Variants in NOTCH1 observed in about 807,000 individuals in gnomAD.
NOTCH1 encodes neurogenic locus notch homolog protein 1.
A neutral mutation model predicts 254.8 loss-of-function variants in NOTCH1; 37 were observed. The observed-to-expected ratio is 0.15, with a 90% CI of 0.11 to 0.19. The LOEUF (loss-of-function observed/expected upper bound fraction) is 0.19, where lower values mean the gene tolerates loss of function less well. Ranked by LOEUF, NOTCH1 falls within the 10% of genes least tolerant of loss-of-function variation. The pLI is 1.00. For synonymous variants in NOTCH1, 1,731 were observed against 1,618.1 expected (o/e 1.07, Z -1.68); for missense variants, 2,972 against 3,708.6 (o/e 0.80, Z 5.16).
chr9:136,519,410 G>C, intron 5 of NOTCH1, 33 bp downstream of exon 5: 1 of 1,611,614 alleles, frequency 6.2e-7, no homozygotes. Context: ...CCCCGCCCCG[G>C]CTACCCCGCC....
intron 2 of NOTCH1, among the ~76,000 whole-genome samples, chr9:136,536,367 T>C (rs1271527782): frequency 1.3e-5 from 2 of 152,154 alleles, no homozygotes; most frequent in Non-Finnish European, 2.9e-5. Flanking sequence ...AGCTCTCTCC[T>C]GTCACACGGG....
intron 2 of NOTCH1, among the ~76,000 whole-genome samples, chr9:136,525,976 C>T (rs188989186): frequency 6.6e-6 from 1 of 152,398 alleles, no homozygotes; most frequent in East Asian, 1.9e-4. Context: ...ACACATGTCA[C>T]CCCTTCCAAA....
intron 4 of NOTCH1, chr9:136,522,609 G>C: frequency 3.8e-6 from 2 of 520,424 alleles, no homozygotes; most frequent in Non-Finnish European, 6.7e-6. Flanking sequence ...TGTGAGTTCC[G>C]GGAAACTCCA....
intron 30 of NOTCH1, 41 bp downstream of exon 30, chr9:136,501,707 G>A (rs2133328323): frequency 6.2e-7 from 1 of 1,604,894 alleles, no homozygotes; most frequent in Non-Finnish European, 8.5e-7. Flanking sequence ...GAGGCAGGTG[G>A]GCCACGGGGC....
chr9:136,528,044 G>A (rs1302008012), intron 2 of NOTCH1, among the ~76,000 whole-genome samples: 4 of 152,086 alleles, frequency 2.6e-5, no homozygotes, highest in Non-Finnish European at 5.9e-5. Context: ...AAATTGTGCT[G>A]TTTTCCTTTC....
chr9:136,512,473 G>A (rs1395973140), intron 15 of NOTCH1, among the ~76,000 whole-genome samples: 5 of 152,192 alleles, frequency 3.3e-5, no homozygotes, highest in Admixed American at 1.3e-4. Flanking sequence ...TTCATAGCAG[G>A]GGCTGGACAG....
rs1564191989 is a variant in NOTCH1, at chr9:136,506,858, G to A, written c.3759C>T (p.Cys1253=). The change falls in exon 23 of 34, where the codon TGC becomes TGT. Residue 1253 remains cysteine, a synonymous_variant. Coordinates refer to ENST00000651671, the MANE Select transcript of NOTCH1 (RefSeq NM_017617.5). The surrounding 1 kb of genome is among the most constrained non-coding windows in gnomAD (Gnocchi z 4.5). The stretch of plus-strand genomic sequence containing the variant: ...CACCCACGAAGCCCGGCGGGCAGGT[G>A]CAGCTGTAGCCGCCCACCTGGTCCA... ...TCVDQVGGYS[C]TCPPGFVGER... 6.2e-7 allele frequency: 1 copy of A among 1,611,894 alleles called. No individual in the cohort carries two copies. Among genetic ancestry groups the A allele is most frequent in the South Asian group, 1.1e-5 (1 of 90,920 alleles).
chr9:136,505,124 C>T lies in NOTCH1; in HGVS notation c.4587-20G>A. 1 of 1,602,748 alleles carries T rather than the reference C, an allele frequency of 6.2e-7. No individual in the cohort carries two copies. ...AGGGGGCTGTGGGGGGCGGGACACG[C>T]TCAGGCCGCCTTCCTCGGGGGGCCT... On this transcript the variant is annotated intron_variant, in intron 25 of 33. Coordinates refer to ENST00000651671, the MANE Select transcript of NOTCH1 (RefSeq NM_017617.5).
At chr9:136,544,457 C>A (rs73567936) in intron 1 of NOTCH1, among the ~76,000 whole-genome samples, 1 of 152,138 alleles carries the variant, frequency 6.6e-6, no homozygotes, top group African/African-American at 2.4e-5. Context: ...CGTTGCCCCC[C>A]ACCCTGGAGG....
intron 2 of NOTCH1, among the ~76,000 whole-genome samples, chr9:136,537,743 C>T (rs1843676815): frequency 6.6e-6 from 1 of 152,130 alleles, no homozygotes; most frequent in Non-Finnish European, 1.5e-5. Context: ...CTGCAGTCAG[C>T]CGTGATCCCA....
intron 18 of NOTCH1, 100 bp downstream of exon 18, chr9:136,509,633 C>A (rs891836956): frequency 9.3e-7 from 1 of 1,073,998 alleles, no homozygotes; most frequent in Non-Finnish European, 1.4e-6. Flanking sequence ...AGTGCCCAGC[C>A]GGCCTAGGCG....
intron 13 of NOTCH1, among the ~76,000 whole-genome samples, 155 bp downstream of exon 13, chr9:136,514,355 G>T (rs73668315): frequency 6.6e-6 from 1 of 152,322 alleles, no homozygotes; most frequent in African/African-American, 2.4e-5. Flanking sequence ...AGGACCCAGA[G>T]GCATGTGCGT....
intron 15 of NOTCH1, among the ~76,000 whole-genome samples, chr9:136,512,373 CGCTCCTGGGGAGCGCCAG>C (rs1813629753): frequency 6.6e-6 from 1 of 152,206 alleles, no homozygotes; most frequent in Non-Finnish European, 1.5e-5. Context: ...ACCCTCTGCC[CGCTCCTGGGGAGCGCCAG>C]GACCCCGGTG....
intron 19 of NOTCH1, 74 bp downstream of exon 19, chr9:136,508,796 C>G: frequency 2.8e-6 from 4 of 1,422,266 alleles, no homozygotes; most frequent in Non-Finnish European, 3.8e-6. Context: ...CCTGGGGTGA[C>G]CGTTCCCACC....
chr9:136,508,655 C>T (rs760940214), intron 19 of NOTCH1, among the ~76,000 whole-genome samples: 27 of 152,250 alleles, frequency 1.8e-4, no homozygotes, highest in Non-Finnish European at 2.5e-4. Context: ...GCTCCTGCCC[C>T]GGCTCCAGAA....
At chr9:136,502,854 C>T (rs558526831) in intron 27 of NOTCH1, 2 of 587,246 alleles carry the variant, frequency 3.4e-6, no homozygotes, top group Non-Finnish European at 3.1e-6. Context: ...ATTCTTCTCT[C>T]TCTCTCTTTT....
At position 136,508,939 on chromosome 9, in the gene NOTCH1, G is replaced by A. The variant is rs1372751049; in HGVS notation, c.3102C>T (p.Gly1034=). 1.3e-6 allele frequency: 2 copies of A among 1,550,262 alleles called. No homozygotes were observed. The highest frequency in any genetic ancestry group is 1.7e-6 in the Non-Finnish European group (2 of 1,147,562). The change falls in exon 19 of 34, where the codon GGC becomes GGT. Residue 1034 remains glycine, a synonymous_variant. Coordinates refer to ENST00000651671, the MANE Select transcript of NOTCH1 (RefSeq NM_017617.5). The part of the protein sequence containing the change: ...ECDSQPCLHG[G]TCQDGCGSYR... Reference sequence around the variant, plus strand: ...AGGAGCCGCAGCCGTCCTGACAGGTGCCGCCATGCAGGCAGGGCTGTGAGT... The same window carrying A: ...AGGAGCCGCAGCCGTCCTGACAGGTACCGCCATGCAGGCAGGGCTGTGAGT...
rs61751536 is a variant in NOTCH1, at chr9:136,502,481, G to A, written c.5175C>T (p.Thr1725=). The change falls in exon 28 of 34, where the codon ACC becomes ACT. Residue 1725 remains threonine, a synonymous_variant. Transcript: ENST00000651671. ...GCTGCGCCGGCGGGGGCGGCTCCAC[G>A]GTCTCACCTGCGGGCACGGGGGCCA... ...PYKIEAVQSE[T]VEPPPPAQLH... 2.4e-3 allele frequency: 3,721 copies of A among 1,562,170 alleles called. 12 individuals are homozygous for A. The highest frequency in any genetic ancestry group is 2.7e-3 in the Non-Finnish European group (3,106 of 1,156,636).
In NOTCH1 at chr9:136,494,740, C is replaced by T. The variant is rs1185570420; in HGVS notation, c.*1331G>A. 7 of 398,706 alleles carry T rather than the reference C, an allele frequency of 1.8e-5. No individual in the cohort carries two copies. The highest frequency in any genetic ancestry group is 2.7e-5 in the Non-Finnish European group (6 of 226,014). 24.7% of individuals were successfully genotyped at this position (398,706 alleles called of 1,614,324 possible). A position where few individuals can be genotyped will look rare whatever the true frequency, so the allele number is the denominator to read the frequency against. The stretch of plus-strand genomic sequence containing the variant: ...GCTCCCCGAGCTGAGCCAAGTCTGA[C>T]GTCCCTCACTGGCATGACACACAAC... On this transcript the variant is annotated 3_prime_UTR_variant, in exon 34 of 34. Transcript: ENST00000651671.
Sources: gnomAD v4.1 joint callset for allele counts (sites outside exome capture counted in the v4.1 genomes callset) on GRCh38, gnomAD v4.1.1 for gene constraint, Gnocchi (gnomAD v3.1) non-coding constraint, MANE v1.5 for transcripts, NCBI Gene and HGNC (gene_info 2026-07-23, HGNC 2026-07-21) for gene names.